Variants in ALB observed in about 807,000 individuals in gnomAD.
The protein encoded by ALB is albumin.
In ALB, 37 loss-of-function variants were observed where a neutral mutation model predicts 74.5. That is an observed-to-expected ratio of 0.50 (90% CI 0.38 to 0.65). The LOEUF (loss-of-function observed/expected upper bound fraction) is 0.65. Ranked by LOEUF, ALB falls within the 30% of genes least tolerant of loss-of-function variation. ALB has a pLI of 0.00. For synonymous variants in ALB, 249 were observed against 251.6 expected (o/e 0.99, Z 0.10); for missense variants, 685 against 718.7 (o/e 0.95, Z 0.54).
Position 73,413,521 on chromosome 4 carries a change from C to T in ALB, c.945C>T (p.Ala315=), listed in dbSNP as rs981172845. The T allele has an allele frequency of 6.2e-7, 1 of 1,614,072 alleles. No homozygotes were observed. Among genetic ancestry groups the T allele is most frequent in the Non-Finnish European group, 8.5e-7 (1 of 1,179,986 alleles). The change falls in exon 8 of 15, where the codon GCC becomes GCT. Residue 315 remains alanine (A), a synonymous_variant. Coordinates refer to ENST00000295897, the MANE Select transcript of ALB (RefSeq NM_000477.7). Reference sequence around the variant, plus strand: ...TGTTGGAAAAATCCCACTGCATTGCCGAAGTGGAAAATGATGAGATGCCTG... The same window carrying T: ...TGTTGGAAAAATCCCACTGCATTGCTGAAGTGGAAAATGATGAGATGCCTG... ...KPLLEKSHCI[A]EVENDEMPAD...
Position 73,413,533 on chromosome 4 carries a change from T to C in ALB, c.957T>C (p.Asn319=), listed in dbSNP as rs931543955. ...CCCACTGCATTGCCGAAGTGGAAAATGATGAGATGCCTGCTGACTTGCCTT... is the reference window on the plus strand; with the variant it reads ...CCCACTGCATTGCCGAAGTGGAAAACGATGAGATGCCTGCTGACTTGCCTT... ...EKSHCIAEVE[N]DEMPADLPSL... is the part of the protein sequence containing the mutation. Residue 319 remains asparagine, a synonymous_variant, in exon 8 of 15, where the codon AAT becomes AAC. Coordinates refer to ENST00000295897, the MANE Select transcript of ALB (RefSeq NM_000477.7). 5.0e-6 allele frequency: 8 copies of C among 1,613,988 alleles called. No individual in the cohort carries two copies. In the African/African-American group the frequency reaches 9.3e-5, roughly 19 times the overall value.
At chr4:73,407,214 C>T (rs1718755060) in intron 3 of ALB, among the ~76,000 whole-genome samples, 1 of 152,080 alleles carries the variant, frequency 6.6e-6, no homozygotes, top group South Asian at 2.1e-4. Context: ...GTATAGCTTA[C>T]TCATCTTGCT....
In ALB at chr4:73,410,388, G is replaced by A. The variant is rs751923567; in HGVS notation, c.692G>A (p.Gly231Glu). Residue 231 changes from glycine to glutamate, a missense_variant, in exon 6 of 15, where the codon GGA becomes GAA. By Grantham distance (98) the Gly-to-Glu change is moderately conservative. Coordinates refer to ENST00000295897, the MANE Select transcript of ALB (RefSeq NM_000477.7). ...RLKCASLQKF[G>E]ERAFKAWAVA... ...AAGTGTGCCAGTCTCCAAAAATTTG[G>A]AGAAAGAGCTTTCAAAGCATGGTAA... is the stretch of plus-strand genomic sequence containing the variant. 3.7e-6 allele frequency: 6 copies of A among 1,613,016 alleles called. No individual in the cohort carries two copies. Among genetic ancestry groups the A allele is most frequent in the Non-Finnish European group, 4.2e-6 (5 of 1,179,022 alleles).
chr4:73,420,161 C>T, intron 13 of ALB, 93 bp from the exon 14 acceptor site: 2 of 1,130,368 alleles, frequency 1.8e-6, no homozygotes, highest in East Asian at 2.4e-5. Flanking sequence ...CGTGAAATCA[C>T]TTTGCAATCA....
intron 11 of ALB, 100 bp downstream of exon 11, chr4:73,417,769 G>A: frequency 2.6e-6 from 3 of 1,160,840 alleles, no homozygotes; most frequent in Non-Finnish European, 3.6e-6. Context: ...TAATGTGTGT[G>A]TGTGCATGTT....
chr4:73,419,919 G>T (rs1719104203), intron 13 of ALB, among the ~76,000 whole-genome samples: 1 of 152,118 alleles, frequency 6.6e-6, no homozygotes. Context: ...GAAATATTTT[G>T]ATCATGAAAT....
At chr4:73,410,450 T>A in intron 6 of ALB, 41 bp downstream of exon 6, 1 of 1,345,962 alleles carries the variant, frequency 7.4e-7, no homozygotes, top group Non-Finnish European at 1.1e-6. Context: ...TATAACGATG[T>A]AAATGATAAT....
At chr4:73,417,449 T>A (rs1240734215) in intron 10 of ALB, 82 bp from the exon 11 acceptor site, 2 of 1,529,818 alleles carry the variant, frequency 1.3e-6, no homozygotes, top group African/African-American at 1.4e-5. Context: ...TCTTAGTTGA[T>A]TCCGGCCAAG....
rs1267015916 is a variant in ALB, at chr4:73,415,358, AG to A, written c.1191+192del. 4 of 667,960 alleles carry A rather than the reference AG, an allele frequency of 6.0e-6. No homozygotes were observed. The African/African-American group carries it at 7.3e-5, about 12-fold the overall frequency. 41.4% of individuals were successfully genotyped at this position (667,960 alleles called of 1,614,324 possible). On this transcript the variant is annotated intron_variant, in intron 9 of 14. Transcript: ENST00000295897. ...ATGATTAACAAAATTTAGACTAGTT[AG>A]AATAGAAAGATCTGAATAGAGCAAT... is the stretch of plus-strand genomic sequence containing the variant.
intron 12 of ALB, chr4:73,419,242 C>G: frequency 2.5e-6 from 1 of 398,598 alleles, no homozygotes; most frequent in Non-Finnish European, 4.6e-6. Flanking sequence ...TTTGTTGACA[C>G]TACATAACGT....
In ALB at chr4:73,413,564, G is replaced by A. The variant is rs11538222; in HGVS notation, c.988G>A (p.Ala330Thr). 1 of 1,614,172 alleles carries A rather than the reference G, an allele frequency of 6.2e-7. No individual in the cohort carries two copies. The highest frequency in any genetic ancestry group is 8.5e-7 in the Non-Finnish European group (1 of 1,180,018). The change falls in exon 8 of 15, where the codon GCT becomes ACT. Residue 330 changes from alanine (A) to threonine (T), a missense_variant. Physicochemically the swap from Ala to Thr is moderately conservative, Grantham distance 58. Transcript: ENST00000295897. ...DEMPADLPSL[A>T]ADFVESKDVC... ...GATGCCTGCTGACTTGCCTTCATTAGCTGCTGATTTTGTTGAAAGTAAGGA... is the reference window on the plus strand; with the variant it reads ...GATGCCTGCTGACTTGCCTTCATTAACTGCTGATTTTGTTGAAAGTAAGGA...
At chr4:73,405,062 T>C in intron 1 of ALB, 54 bp from the exon 2 acceptor site, 1 of 1,484,270 alleles carries the variant, frequency 6.7e-7, no homozygotes, top group Non-Finnish European at 9.4e-7. Flanking sequence ...GTAACATTAT[T>C]ACTTCTTGTT....
chr4:73,410,326 G>T lies in ALB; in HGVS notation c.630G>T (p.Arg210=). 1.2e-6 allele frequency: 2 copies of T among 1,613,696 alleles called. No individual in the cohort carries two copies. The highest frequency in any genetic ancestry group is 1.7e-6 in the Non-Finnish European group (2 of 1,179,700). Residue 210 remains arginine (R), a synonymous_variant, in exon 6 of 15, where the codon CGG becomes CGT. Coordinates refer to ENST00000295897, the MANE Select transcript of ALB (RefSeq NM_000477.7). Reference sequence around the variant, plus strand: ...CCTTTTTGTAGCTCGATGAACTTCGGGATGAAGGGAAGGCTTCGTCTGCCA... The same window carrying T: ...CCTTTTTGTAGCTCGATGAACTTCGTGATGAAGGGAAGGCTTCGTCTGCCA... ...ACLLPKLDEL[R]DEGKASSAKQ... is the part of the protein sequence containing the mutation.
At chr4:73,414,762 A>G (rs1258023445) in intron 8 of ALB, among the ~76,000 whole-genome samples, 1 of 152,068 alleles carries the variant, frequency 6.6e-6, no homozygotes, top group Non-Finnish European at 1.5e-5. Context: ...GCCGACAGAT[A>G]CTATTATTAT....
In ALB at chr4:73,404,316, G is replaced by A. The variant is rs746018746; in HGVS notation, c.-12G>A. ...CTTTTCTCTTCTGTCAACCCCACAC[G>A]CCTTTGGCACAATGAAGTGGGTAAC... On this transcript the variant is annotated 5_prime_UTR_variant, in exon 1 of 15. Transcript: ENST00000295897. 1.1e-5 allele frequency: 18 copies of A among 1,609,022 alleles called. No homozygotes were observed. Among genetic ancestry groups the A allele is most frequent in the Admixed American group, 5.0e-5 (3 of 59,956 alleles).
chr4:73,421,095 A>C lies in ALB; in HGVS notation c.*27A>C, dbSNP rs1042673539. On this transcript the variant is annotated 3_prime_UTR_variant, in exon 15 of 15. Transcript: ENST00000295897. Reference sequence around the variant, plus strand: ...TATTTGTCCTTTTGTTTTTCAGCCTACCATGAGAATAAGAGAAAGAAAATG... The same window carrying C: ...TATTTGTCCTTTTGTTTTTCAGCCTCCCATGAGAATAAGAGAAAGAAAATG... 16 of 693,398 alleles carry C rather than the reference A, an allele frequency of 2.3e-5. No homozygotes were observed. Among genetic ancestry groups the C allele is most frequent in the Non-Finnish European group, 4.2e-5 (16 of 381,166 alleles). 43.0% of individuals were successfully genotyped at this position (693,398 alleles called of 1,614,324 possible). A position where few individuals can be genotyped will look rare whatever the true frequency, so the allele number is the denominator to read the frequency against.
chr4:73,408,056 C>G (rs1718776866), intron 3 of ALB, among the ~76,000 whole-genome samples: 1 of 152,110 alleles, frequency 6.6e-6, no homozygotes, highest in Admixed American at 6.5e-5. Context: ...AAGGAAAGGA[C>G]TCATTTATTG....
intron 2 of ALB, among the ~76,000 whole-genome samples, chr4:73,405,736 G>A (rs1347664537): frequency 1.3e-5 from 2 of 151,642 alleles, no homozygotes; most frequent in African/African-American, 4.8e-5. Flanking sequence ...GACTACAGGC[G>A]CCCGCCATCA....
intron 2 of ALB, 62 bp downstream of exon 2, chr4:73,405,235 A>G (rs1479607682): frequency 1.2e-5 from 17 of 1,383,254 alleles, no homozygotes; most frequent in Non-Finnish European, 1.6e-5. Context: ...ATTATTCTAA[A>G]GTGCTTATAT....
Sources: allele counts gnomAD v4.1 joint callset (sites outside exome capture counted in the v4.1 genomes callset), GRCh38; gene constraint gnomAD v4.1.1; transcripts MANE v1.5; gene names NCBI Gene and HGNC (gene_info 2026-07-23, HGNC 2026-07-21).